GAD1: variants seen among roughly 807,000 people sequenced by gnomAD.
GAD1 encodes glutamate decarboxylase 1.
In GAD1, 35 loss-of-function variants were observed where a neutral mutation model predicts 75.2. The ratio of observed to expected loss-of-function variants is 0.47; its 90% confidence interval spans 0.36 to 0.62. The LOEUF (loss-of-function observed/expected upper bound fraction) is 0.62. Among genes scored for constraint, GAD1 ranks in the 20% least tolerant of loss-of-function variants. The pLI, the probability that GAD1 is intolerant of heterozygous loss-of-function variation, is 0.00. For missense variants in GAD1, 490 were observed against 758.5 expected (o/e 0.65, Z 4.16); for synonymous variants, 257 against 271.9 (o/e 0.95, Z 0.54).
chr2:170,849,873 T>C (rs1702712618), intron 12 of GAD1, among the ~76,000 whole-genome samples: 1 of 152,250 alleles, frequency 6.6e-6, no homozygotes, highest in Admixed American at 6.5e-5. Flanking sequence ...TTCACTTTCC[T>C]CTTCTTCCTC....
rs570256519 is a variant in GAD1, at chr2:170,846,253, T to A, written c.1002+190T>A. Among the ~76,000 whole-genome samples, 13 of 152,354 alleles carry A rather than the reference T, an allele frequency of 8.5e-5. No homozygotes were observed. The South Asian group carries it at 1.9e-3, about 22-fold the overall frequency. ...TGTCTACACAATATCAGGGTTTTTT[T>A]AAAAAATGAAAAATTTGGTCATTAA... On this transcript the variant is annotated intron_variant, in intron 10 of 16. Coordinates refer to ENST00000358196, the MANE Select transcript of GAD1 (RefSeq NM_000817.3).
At chr2:170,848,716 A>G in intron 11 of GAD1, 1 of 518,716 alleles carries the variant, frequency 1.9e-6, no homozygotes, top group Non-Finnish European at 3.8e-6. Flanking sequence ...CAATAGGATC[A>G]TCTGCCTTGC....
intron 3 of GAD1, among the ~76,000 whole-genome samples, chr2:170,828,071 TCC>T: frequency 3.2e-5 from 1 of 30,882 alleles, no homozygotes; most frequent in African/African-American, 2.0e-4. Flanking sequence ...TCTGCTGTCC[TCC>T]CTCTGCTGTC....
chr2:170,818,271 G>C lies in GAD1; in HGVS notation c.-63-258G>C, dbSNP rs1463248950. Reference sequence around the variant, plus strand: ...GCCTCGTCTCGGCGCTTCACTCCAGGTCGCGCCGATGCACCGCCAGACTCG... The same window carrying C: ...GCCTCGTCTCGGCGCTTCACTCCAGCTCGCGCCGATGCACCGCCAGACTCG... On this transcript the variant is annotated intron_variant, in intron 1 of 16. Coordinates refer to ENST00000358196, the MANE Select transcript of GAD1 (RefSeq NM_000817.3). The surrounding 1 kb of genome is among the most constrained non-coding windows in gnomAD (Gnocchi z 5.9). 2.8e-6 allele frequency: 1 copy of C among 355,090 alleles called. No homozygotes were observed. The highest frequency in any genetic ancestry group is 5.3e-6 in the Non-Finnish European group (1 of 189,626). 22.0% of individuals were successfully genotyped at this position (355,090 alleles called of 1,614,324 possible).
chr2:170,845,924 TG>T, intron 9 of GAD1, 84 bp from the exon 10 acceptor site: 2 of 1,467,944 alleles, frequency 1.4e-6, no homozygotes, highest in South Asian at 2.3e-5. Context: ...CCGATTAAAT[TG>T]CTTTTTGCTG....
rs1702930863 is a variant in GAD1 at position 170,860,059 on chromosome 2, G to C, written c.*177G>C. On this transcript the variant is annotated 3_prime_UTR_variant, in exon 17 of 17. Transcript: ENST00000358196. ...TTTGTTCTAGTTAGCAGGAAATAGT[G>C]TTCTTTTTAAAAAGTTGCACATTAG... is the stretch of plus-strand genomic sequence containing the variant. 2 of 673,472 alleles carry C rather than the reference G, an allele frequency of 3.0e-6. No homozygotes were observed. The highest frequency in any genetic ancestry group is 5.1e-6 in the Non-Finnish European group (2 of 392,552). The allele number at this position is 673,472 out of a possible 1,614,324, so 41.7% of individuals were successfully genotyped here. A position where few individuals can be genotyped will look rare whatever the true frequency, so the allele number is the denominator to read the frequency against.
At chr2:170,813,587 A>G (rs1701647442), upstream of GAD1, among the ~76,000 whole-genome samples, 1 of 152,266 alleles carries the variant, frequency 6.6e-6, no homozygotes, top group Non-Finnish European at 1.5e-5. Flanking sequence ...CTGTCTACTC[A>G]CCTTGACTGA....
intron 5 of GAD1, among the ~76,000 whole-genome samples, chr2:170,836,043 T>C (rs1271754971): frequency 1.3e-5 from 2 of 152,162 alleles, no homozygotes; most frequent in African/African-American, 2.4e-5. Flanking sequence ...AGAATAGAGA[T>C]TCTCAGAGAG....
chr2:170,816,473 C>T (rs1701699298), upstream of GAD1: 1 of 151,912 alleles, frequency 6.6e-6, no homozygotes, highest in African/African-American at 2.4e-5. Context: ...GAGGCAAAAC[C>T]GCCGCTCGTC....
At chr2:170,857,234 T>C (rs1332845544) in intron 15 of GAD1, 109 bp downstream of exon 15, 2 of 797,700 alleles carry the variant, frequency 2.5e-6, no homozygotes, top group East Asian at 2.5e-5. Flanking sequence ...TGCCAGAAAC[T>C]GCTTCAAAAT....
rs1340323099 is a variant in GAD1, at chr2:170,857,064, C to A, written c.1460C>A (p.Ala487Asp). 1 of 1,613,840 alleles carries A rather than the reference C, an allele frequency of 6.2e-7. No homozygotes were observed. The highest frequency in any genetic ancestry group is 8.5e-7 in the Non-Finnish European group (1 of 1,179,980). Reference sequence around the variant, plus strand: ...CAGATCAACAAATGCCTGGAACTGGCTGAATACCTCTATGCCAAGATTAAA... The same window carrying A: ...CAGATCAACAAATGCCTGGAACTGGATGAATACCTCTATGCCAAGATTAAA... ...ENQINKCLEL[A>D]EYLYAKIKNR... The change falls in exon 15 of 17, where the codon GCT becomes GAT. Residue 487 changes from alanine (A) to aspartate (D), a missense_variant. Ala to Asp is a moderately radical substitution (Grantham distance 126). Around this residue, in one of 3 missense-constraint regions of GAD1, gnomAD observed 324 missense variants for 523.9 expected, o/e 0.62. Coordinates refer to ENST00000358196, the MANE Select transcript of GAD1 (RefSeq NM_000817.3).
chr2:170,814,339 T>C (rs1040797748), upstream of GAD1, among the ~76,000 whole-genome samples: 7 of 152,112 alleles, frequency 4.6e-5, no homozygotes, highest in East Asian at 9.6e-4. Flanking sequence ...AACAGAGGCA[T>C]GGGGACCAGA....
chr2:170,832,456 C>T (rs918948705), intron 5 of GAD1, among the ~76,000 whole-genome samples: 2 of 152,160 alleles, frequency 1.3e-5, no homozygotes, highest in African/African-American at 4.8e-5. Flanking sequence ...AAGGCCCACC[C>T]CAATCCAGCA....
chr2:170,824,929 C>CGTGTGTGTGTGTGTGTGT (rs56938472), intron 3 of GAD1, among the ~76,000 whole-genome samples: 1 of 149,894 alleles, frequency 6.7e-6, no homozygotes, highest in African/African-American at 2.5e-5. Context: ...AGCCTACACT[C>CGTGTGTGTGTGTGTGTGT]GTGTGTGTGT....
intron 3 of GAD1, among the ~76,000 whole-genome samples, chr2:170,825,412 T>A (rs1211188242): frequency 1.3e-5 from 2 of 151,942 alleles, no homozygotes; most frequent in East Asian, 3.9e-4. Flanking sequence ...AACAAACAAA[T>A]GAAAAAGAGC....
rs373431426 is a variant in GAD1 at position 170,818,329 on chromosome 2, A to C, written c.-63-200A>C. ...CCCAGGGCTACGCTCCCTGCGCCCC[A>C]GTACCGGAGCTAGCGCGCACGTCTC... On this transcript the variant is annotated intron_variant, in intron 1 of 16. Coordinates refer to ENST00000358196, the MANE Select transcript of GAD1 (RefSeq NM_000817.3). The surrounding 1 kb of genome is among the most constrained non-coding windows in gnomAD (Gnocchi z 5.9). The C allele has an allele frequency of 7.9e-6, 3 of 381,176 alleles. No individual in the cohort carries two copies. The highest frequency in any genetic ancestry group is 9.8e-6 in the Non-Finnish European group (2 of 203,964). 23.6% of individuals were successfully genotyped at this position (381,176 alleles called of 1,614,324 possible).
intron 3 of GAD1, 47 bp downstream of exon 3, chr2:170,822,196 G>A (rs760293944): frequency 2.6e-5 from 39 of 1,505,992 alleles, no homozygotes; most frequent in South Asian, 9.2e-5. Flanking sequence ...CGCGGCGGGC[G>A]GACCTTTGGG....
At chr2:170,833,515 A>G (rs1025116437) in intron 5 of GAD1, among the ~76,000 whole-genome samples, 13 of 152,220 alleles carry the variant, frequency 8.5e-5, no homozygotes, top group Non-Finnish European at 1.8e-4. Flanking sequence ...AGAATTCCCC[A>G]TGTATGTTTA....
chr2:170,834,281 G>A (rs1302448780), intron 5 of GAD1, among the ~76,000 whole-genome samples: 1 of 152,132 alleles, frequency 6.6e-6, no homozygotes, highest in Non-Finnish European at 1.5e-5. Context: ...GAGCAATAGG[G>A]TAAACCCCAC....
Sources: gnomAD v4.1 joint callset for allele counts (sites outside exome capture counted in the v4.1 genomes callset) on GRCh38, gnomAD v4.1.1 for gene constraint, gnomAD v4.1.1 regional missense constraint, Gnocchi (gnomAD v3.1) non-coding constraint, MANE v1.5 for transcripts, NCBI Gene and HGNC (gene_info 2026-07-23, HGNC 2026-07-21) for gene names.